Variants in TRAPPC12 observed in about 807,000 individuals in gnomAD.
The protein encoded by TRAPPC12 is trafficking protein particle complex subunit 12.
In TRAPPC12, 61 loss-of-function variants were observed where a neutral mutation model predicts 69.2. That is an observed-to-expected ratio of 0.88 (90% CI 0.72 to 1.09). The LOEUF (loss-of-function observed/expected upper bound fraction) is 1.09. Ranked by LOEUF, TRAPPC12 falls within the 50% of genes least tolerant of loss-of-function variation. The pLI, the probability that TRAPPC12 is intolerant of heterozygous loss-of-function variation, is 0.00. For synonymous variants in TRAPPC12, 469 were observed against 438.9 expected (o/e 1.07, Z -0.86); for missense variants, 1,101 against 1,016.4 (o/e 1.08, Z -1.13).
intron 4 of TRAPPC12, among the ~76,000 whole-genome samples, chr2:3,423,322 TTGTGTGTGTGTG>T (rs34767789): frequency 1.9e-4 from 28 of 149,188 alleles, no homozygotes; most frequent in African/African-American, 6.7e-4. Context: ...TCGCATGCCT[TTGTGTGTGTGTG>T]TGTGTGTGTG....
chr2:3,471,133 A>G (rs1666040374), intron 9 of TRAPPC12, among the ~76,000 whole-genome samples: 3 of 152,254 alleles, frequency 2.0e-5, no homozygotes, highest in African/African-American at 7.2e-5. Context: ...ACTTTGTGTT[A>G]GGCCTCCGAG....
intron 2 of TRAPPC12, among the ~76,000 whole-genome samples, chr2:3,396,939 G>A (rs1285754945): frequency 2.6e-5 from 4 of 151,952 alleles, no homozygotes. Context: ...AATCACTGGA[G>A]CCCAGGAGTG....
intron 7 of TRAPPC12, chr2:3,458,344 C>T: frequency 2.0e-6 from 2 of 986,060 alleles, no homozygotes; most frequent in East Asian, 2.3e-4. Flanking sequence ...CACTCCCTCA[C>T]TCCTTGTGGC....
intron 7 of TRAPPC12, chr2:3,458,016 C>T: frequency 8.6e-7 from 1 of 1,167,460 alleles, no homozygotes. Flanking sequence ...GCCGAAGGGG[C>T]CCAGAGGGGC....
At chr2:3,451,184 T>C (rs1427400835) in intron 6 of TRAPPC12, among the ~76,000 whole-genome samples, 1 of 152,130 alleles carries the variant, frequency 6.6e-6, no homozygotes, top group African/African-American at 2.4e-5. Context: ...CACAAGCAGG[T>C]TTTTAATTTT....
chr2:3,441,220 C>T (rs1443017361), intron 5 of TRAPPC12, among the ~76,000 whole-genome samples: 5 of 152,042 alleles, frequency 3.3e-5, no homozygotes, highest in Admixed American at 1.3e-4. Flanking sequence ...AGTTAGAAAG[C>T]GTTCCTCTGC....
intron 6 of TRAPPC12, among the ~76,000 whole-genome samples, chr2:3,452,039 G>A (rs763396066): frequency 3.3e-5 from 5 of 152,146 alleles, no homozygotes; most frequent in East Asian, 1.9e-4. Flanking sequence ...TGTGGGTCTC[G>A]AGTCCAGCAC....
intron 6 of TRAPPC12, among the ~76,000 whole-genome samples, chr2:3,446,487 T>A (rs1268195910): frequency 6.6e-6 from 1 of 152,234 alleles, no homozygotes; most frequent in Admixed American, 6.5e-5. Context: ...ACCCAGGGCA[T>A]GACCATATAG....
In TRAPPC12 at chr2:3,478,799, A is replaced by C. The variant is rs776906358; in HGVS notation, c.1878-47A>C. 9.0e-6 allele frequency: 14 copies of C among 1,547,304 alleles called. No individual in the cohort carries two copies. The South Asian group carries it at 1.5e-4, about 16-fold the overall frequency. ...CCTGTGGGTTGTGTTGGGGGACAGC[A>C]GCTCCTGGGCTTTCCCCGCTAACTG... On this transcript the variant is annotated intron_variant, in intron 10 of 11. Coordinates refer to ENST00000324266, the MANE Select transcript of TRAPPC12 (RefSeq NM_016030.6).
intron 2 of TRAPPC12, among the ~76,000 whole-genome samples, chr2:3,391,757 C>T (rs1411166612): frequency 6.6e-6 from 1 of 152,054 alleles, no homozygotes; most frequent in Non-Finnish European, 1.5e-5. Context: ...CTTACCTGTA[C>T]TCCCACTCCC....
chr2:3,458,283 G>A (rs367758226), intron 7 of TRAPPC12: 1 of 987,034 alleles, frequency 1.0e-6, no homozygotes, highest in Non-Finnish European at 1.2e-6. Context: ...TTCCGATCAT[G>A]CTTGGAAACC....
chr2:3,409,741 C>CTTTTTTTTTTTTTTTTT (rs1558358525), intron 3 of TRAPPC12, among the ~76,000 whole-genome samples: 5 of 51,752 alleles, frequency 9.7e-5, no homozygotes, highest in Non-Finnish European at 1.8e-4. Flanking sequence ...CAAAGCAAGA[C>CTTTTTTTTTTTTTTTTT]TTTGTCTTTA....
chr2:3,401,482 C>T (rs1483393457), intron 2 of TRAPPC12, among the ~76,000 whole-genome samples: 3 of 152,160 alleles, frequency 2.0e-5, no homozygotes, highest in East Asian at 1.9e-4. Context: ...TGGTAGTAGG[C>T]GGTAGGACTT....
At chr2:3,421,346 C>T (rs942050166) in intron 3 of TRAPPC12, among the ~76,000 whole-genome samples, 3 of 152,196 alleles carry the variant, frequency 2.0e-5, no homozygotes, top group Non-Finnish European at 4.4e-5. Flanking sequence ...CATTGCCACA[C>T]GGGCCTGGAA....
At chr2:3,463,264 C>G (rs981378174) in intron 8 of TRAPPC12, among the ~76,000 whole-genome samples, 5 of 152,092 alleles carry the variant, frequency 3.3e-5, no homozygotes, top group African/African-American at 1.2e-4. Context: ...GCTGTATTGA[C>G]GATGGGCCCC....
At chr2:3,443,397 A>C (rs972373286) in intron 5 of TRAPPC12, among the ~76,000 whole-genome samples, 90 of 152,246 alleles carry the variant, frequency 5.9e-4, no homozygotes, top group Admixed American at 5.9e-3. Flanking sequence ...AAGCTAAGCA[A>C]CCTACCATTC....
intron 5 of TRAPPC12, among the ~76,000 whole-genome samples, chr2:3,435,421 G>C (rs1401994423): frequency 6.6e-6 from 1 of 152,122 alleles, no homozygotes; most frequent in Non-Finnish European, 1.5e-5. Flanking sequence ...AAAGAATTTT[G>C]CTACATTAGC....
At chr2:3,433,287 C>T (rs559323943) in intron 5 of TRAPPC12, among the ~76,000 whole-genome samples, 4 of 152,184 alleles carry the variant, frequency 2.6e-5, no homozygotes, top group South Asian at 4.1e-4. Context: ...GCAAAGCACT[C>T]GCGTAACTTG....
intron 2 of TRAPPC12, among the ~76,000 whole-genome samples, chr2:3,398,471 C>CAG (rs1280449497): frequency 1.3e-5 from 2 of 152,210 alleles, no homozygotes; most frequent in Non-Finnish European, 2.9e-5. Flanking sequence ...CCAGGATAAA[C>CAG]AGGCACCTTT....
Sources: allele counts gnomAD v4.1 joint callset (sites outside exome capture counted in the v4.1 genomes callset), GRCh38; gene constraint gnomAD v4.1.1; transcripts MANE v1.5; gene names NCBI Gene and HGNC (gene_info 2026-07-23, HGNC 2026-07-21).